Variants in SEPTIN7 observed in about 807,000 individuals in gnomAD.
SEPTIN7 encodes septin 7.
SEPTIN7 carries 10 observed loss-of-function variants against 63.3 expected under a neutral mutation model. The observed-to-expected ratio is 0.16, with a 90% CI of 0.10 to 0.27. The LOEUF (loss-of-function observed/expected upper bound fraction) is 0.27. Among genes scored for constraint, SEPTIN7 ranks in the 10% least tolerant of loss-of-function variants. The pLI, the probability that SEPTIN7 is intolerant of heterozygous loss-of-function variation, is 1.00. For missense variants in SEPTIN7, 310 were observed against 521.0 expected (o/e 0.59, Z 3.94); for synonymous variants, 131 against 165.3 (o/e 0.79, Z 1.59).
intron 1 of SEPTIN7, among the ~76,000 whole-genome samples, chr7:35,816,093 C>T (rs1214532308): frequency 1.3e-5 from 2 of 152,124 alleles, no homozygotes; most frequent in African/African-American, 4.8e-5. Flanking sequence ...AGATAATTTA[C>T]ATGCCATAAA....
intron 9 of SEPTIN7, among the ~76,000 whole-genome samples, chr7:35,884,398 T>C (rs1239568659): frequency 6.6e-6 from 1 of 152,136 alleles, no homozygotes; most frequent in Non-Finnish European, 1.5e-5. Context: ...TCCAAAAAAA[T>C]TCAAAACACT....
At chr7:35,872,872 CA>C (rs1269512665) in intron 5 of SEPTIN7, 106 bp downstream of exon 5, 2 of 742,028 alleles carry the variant, frequency 2.7e-6, no homozygotes, top group Non-Finnish European at 4.6e-6. Context: ...CAAAGGTCAC[CA>C]AACTTCAAGC....
At chr7:35,814,074 T>TAGCCGGGCGCGGTGGTGGGCGC (rs1375262513) in intron 1 of SEPTIN7, among the ~76,000 whole-genome samples, 1 of 151,568 alleles carries the variant, frequency 6.6e-6, no homozygotes, top group African/African-American at 2.4e-5. Flanking sequence ...GAGAGTATTT[T>TAGCCGGGCGCGGTGGTGGGCGC]CTTTCATGCT....
At chr7:35,829,793 A>C (rs146642433) in intron 1 of SEPTIN7, among the ~76,000 whole-genome samples, 19 of 152,338 alleles carry the variant, frequency 1.2e-4, no homozygotes, top group Admixed American at 4.6e-4. Flanking sequence ...AGCTAAGAAG[A>C]AGCATACAGC....
downstream of SEPTIN7, among the ~76,000 whole-genome samples, chr7:35,908,233 T>G (rs1788670727): frequency 6.6e-6 from 1 of 152,208 alleles, no homozygotes; most frequent in Admixed American, 6.5e-5. Context: ...GTTCCCATAA[T>G]TTGGGATTCA....
At chr7:35,847,135 C>T in intron 3 of SEPTIN7, 1 of 176,166 alleles carries the variant, frequency 5.7e-6, no homozygotes, top group East Asian at 1.5e-4. Context: ...TTGGCCGTGT[C>T]CAGATTGGTG....
At chr7:35,810,789 CAG>C (rs1372543824) in intron 1 of SEPTIN7, among the ~76,000 whole-genome samples, 3 of 148,518 alleles carry the variant, frequency 2.0e-5, no homozygotes, top group African/African-American at 7.5e-5. Flanking sequence ...TTTTTTGAGA[CAG>C]AGGCTCGCTC....
At chr7:35,801,888 G>A (rs1262301773) in intron 1 of SEPTIN7, among the ~76,000 whole-genome samples, 2 of 152,076 alleles carry the variant, frequency 1.3e-5, no homozygotes, top group Non-Finnish European at 2.9e-5. Flanking sequence ...TCGCCTCCCC[G>A]CTCCTCCTCC....
chr7:35,864,617 G>A (rs538719983), intron 4 of SEPTIN7, among the ~76,000 whole-genome samples: 1 of 152,150 alleles, frequency 6.6e-6, no homozygotes, highest in East Asian at 1.9e-4. Context: ...GGATGTATCA[G>A]GTTAAATAAA....
At position 35,879,814 on chromosome 7, in the gene SEPTIN7, G is replaced by A. The variant is rs1451213034; in HGVS notation, c.513-9G>A. The A allele has an allele frequency of 5.6e-6, 8 of 1,433,210 alleles. No individual in the cohort carries two copies. Among genetic ancestry groups the A allele is most frequent in the Non-Finnish European group, 1.9e-6 (2 of 1,032,060 alleles). 88.8% of individuals were successfully genotyped at this position (1,433,210 alleles called of 1,614,324 possible). Reference sequence around the variant, plus strand: ...TCAATTCAGTCAAATTAAATACTGTGTATTTCAGACTTAAACCATTGGATA... The same window carrying A: ...TCAATTCAGTCAAATTAAATACTGTATATTTCAGACTTAAACCATTGGATA... On this transcript the variant is annotated splice_polypyrimidine_tract_variant and intron_variant, in intron 6 of 13. Coordinates refer to ENST00000350320, the MANE Select transcript of SEPTIN7 (RefSeq NM_001788.6).
intron 6 of SEPTIN7, 186 bp from the exon 7 acceptor site, chr7:35,879,637 G>T: frequency 1.9e-6 from 1 of 521,756 alleles, no homozygotes; most frequent in Non-Finnish European, 3.6e-6. Flanking sequence ...AGGAGTCAAA[G>T]CCTTAGCCAC....
intron 1 of SEPTIN7, among the ~76,000 whole-genome samples, chr7:35,814,780 C>G (rs1788942234): frequency 1.3e-5 from 2 of 152,060 alleles, no homozygotes; most frequent in South Asian, 4.2e-4. Flanking sequence ...TCAAGACCAT[C>G]CTGGCTAACA....
intron 11 of SEPTIN7, 29 bp downstream of exon 11, chr7:35,890,822 G>T (rs1259765742): frequency 1.4e-6 from 2 of 1,465,922 alleles, no homozygotes; most frequent in Admixed American, 2.7e-5. Context: ...CTCCAAAAAG[G>T]TATTATTTCT....
intron 3 of SEPTIN7, among the ~76,000 whole-genome samples, chr7:35,835,461 C>T (rs1191388768): frequency 2.0e-5 from 3 of 152,162 alleles, no homozygotes; most frequent in Non-Finnish European, 4.4e-5. Context: ...GCTGAAGAAA[C>T]TGAGGCATAG....
At chr7:35,828,591 A>G (rs938866163) in intron 1 of SEPTIN7, among the ~76,000 whole-genome samples, 5 of 152,006 alleles carry the variant, frequency 3.3e-5, no homozygotes, top group Non-Finnish European at 7.4e-5. Flanking sequence ...GTTGGCCAAG[A>G]TGTTCTCGAT....
chr7:35,852,572 T>C (rs978024222), intron 3 of SEPTIN7, among the ~76,000 whole-genome samples: 15 of 152,184 alleles, frequency 9.9e-5, no homozygotes, highest in Non-Finnish European at 2.1e-4. Context: ...TCAGGTGCTA[T>C]ATTTTACTCT....
At chr7:35,845,203 A>T (rs1410763789) in intron 3 of SEPTIN7, among the ~76,000 whole-genome samples, 1 of 152,116 alleles carries the variant, frequency 6.6e-6, no homozygotes, top group Non-Finnish European at 1.5e-5. Context: ...AGGGCTTGAG[A>T]TAATTGTGTA....
intron 3 of SEPTIN7, among the ~76,000 whole-genome samples, chr7:35,847,593 CTT>C (rs1784746588): frequency 6.6e-6 from 1 of 152,128 alleles, no homozygotes; most frequent in South Asian, 2.1e-4. Context: ...GTACTTGCAA[CTT>C]TTTTAATGTC....
chr7:35,893,633 A>C (rs1181429881), intron 11 of SEPTIN7, among the ~76,000 whole-genome samples: 1 of 152,172 alleles, frequency 6.6e-6, no homozygotes, highest in Non-Finnish European at 1.5e-5. Context: ...CATGACTGTG[A>C]ATCAATTTAT....
Sources: allele counts gnomAD v4.1 joint callset (sites outside exome capture counted in the v4.1 genomes callset), GRCh38; gene constraint gnomAD v4.1.1; transcripts MANE v1.5; gene names NCBI Gene and HGNC (gene_info 2026-07-23, HGNC 2026-07-21).